Variants in SPA17 observed in about 807,000 individuals in gnomAD.
SPA17 encodes sperm autoantigenic protein 17, also known as sperm surface protein Sp17.
A neutral mutation model predicts 13.8 loss-of-function variants in SPA17; 7 were observed. The ratio of observed to expected loss-of-function variants is 0.51; its 90% CI spans 0.29 to 0.95. SPA17 has a LOEUF of 0.95. Among genes scored for constraint, SPA17 ranks in the 40% least tolerant of loss-of-function variants. The pLI, the probability that SPA17 is intolerant of heterozygous loss-of-function variation, is 0.08. For missense variants in SPA17, 170 were observed against 179.3 expected (o/e 0.95, Z 0.30); for synonymous variants, 61 against 59.0 (o/e 1.03, Z -0.16).
chr11:124,685,985 T>G (rs1236542836), intron 3 of SPA17, among the ~76,000 whole-genome samples: 1 of 152,178 alleles, frequency 6.6e-6, no homozygotes, highest in Middle Eastern at 3.4e-3. Flanking sequence ...GACTTTTGGG[T>G]TAATGCTGGA....
At position 124,691,710 on chromosome 11, in the gene SPA17, T is replaced by C; in HGVS notation, c.240T>C (p.Pro80=). 1 of 1,612,210 alleles carries C rather than the reference T, an allele frequency of 6.2e-7. No individual in the cohort carries two copies. Among genetic ancestry groups the C allele is most frequent in the South Asian group, 1.1e-5 (1 of 90,808 alleles). The change falls in exon 4 of 5, where the codon CCT becomes CCC. Residue 80 remains proline (P), a synonymous_variant. Coordinates refer to ENST00000227135, the MANE Select transcript of SPA17 (RefSeq NM_017425.4). Reference sequence around the variant, plus strand: ...TATCTGTCCAGGAGCAAGAACCACCTGAGAAAAGTGATCCTAAACAAGAAG... The same window carrying C: ...TATCTGTCCAGGAGCAAGAACCACCCGAGAAAAGTGATCCTAAACAAGAAG... ...NNHAFEEQEP[P]EKSDPKQEES...
At chr11:124,686,589 A>G (rs1227939755) in intron 3 of SPA17, among the ~76,000 whole-genome samples, 2 of 152,260 alleles carry the variant, frequency 1.3e-5, no homozygotes, top group Non-Finnish European at 2.9e-5. Flanking sequence ...AATAATATCA[A>G]GTATCTTGTC....
At chr11:124,683,734 C>T (rs1000162551) in intron 3 of SPA17, among the ~76,000 whole-genome samples, 1 of 151,382 alleles carries the variant, frequency 6.6e-6, no homozygotes, top group Admixed American at 6.6e-5. Context: ...CAACAACAAA[C>T]AAGTTTATTT....
In SPA17 at chr11:124,676,886, C is replaced by T. The variant is rs139489678; in HGVS notation, c.154+1468C>T. Among the ~76,000 whole-genome samples the T allele has an allele frequency of 2.8e-3, 423 of 152,014 alleles. 2 individuals are homozygous for T. Among genetic ancestry groups the T allele is most frequent in the Admixed American group, 5.6e-3 (86 of 15,282 alleles). ...CAAATCTGCACGTGTATCCCTTGAA[C>T]CTAAAATAAAAGTTGGAAGGGGAAA... On this transcript the variant is annotated intron_variant, in intron 2 of 4. Transcript: ENST00000227135.
chr11:124,683,285 G>A (rs1411560748), intron 3 of SPA17, among the ~76,000 whole-genome samples: 1 of 152,050 alleles, frequency 6.6e-6, no homozygotes, highest in Non-Finnish European at 1.5e-5. Flanking sequence ...TGAAAACACA[G>A]GAAAGTATAA....
intron 2 of SPA17, chr11:124,675,986 T>C (rs1198984738): frequency 1.3e-5 from 2 of 152,386 alleles, no homozygotes. Context: ...AGGTAATTTA[T>C]ATTCTTTATG....
chr11:124,694,259 C>T lies in SPA17; in HGVS notation c.313-44C>T, dbSNP rs776116499. 128 of 1,585,202 alleles carry T rather than the reference C, an allele frequency of 8.1e-5. No individual in the cohort carries two copies. The Admixed American group carries it at 8.8e-4, about 11-fold the overall frequency. On this transcript the variant is annotated intron_variant, in intron 4 of 4. Transcript: ENST00000227135. Reference sequence around the variant, plus strand: ...ATTTATTTTTGTGGCATCAAAACTACGCCATATTTAAAGAGTCTCTTACTT... The same window carrying T: ...ATTTATTTTTGTGGCATCAAAACTATGCCATATTTAAAGAGTCTCTTACTT...
rs1943522714 is a variant in SPA17 at position 124,680,893 on chromosome 11, T to C, written c.155-496T>C. Reference sequence around the variant, plus strand: ...TCTACTTTTTAAGTATTGAAATTTTTATAATATAAAGTTAAAGAAAAAAAT... The same window carrying C: ...TCTACTTTTTAAGTATTGAAATTTTCATAATATAAAGTTAAAGAAAAAAAT... On this transcript the variant is annotated intron_variant, in intron 2 of 4. Coordinates refer to ENST00000227135, the MANE Select transcript of SPA17 (RefSeq NM_017425.4). 2.0e-5 allele frequency among the ~76,000 whole-genome samples: 3 copies of C among 152,206 alleles called. No homozygotes were observed. In the South Asian group the frequency reaches 6.2e-4, roughly 31 times the overall value.
chr11:124,682,200 T>C (rs1181038398), intron 3 of SPA17, among the ~76,000 whole-genome samples: 1 of 152,130 alleles, frequency 6.6e-6, no homozygotes, highest in African/African-American at 2.4e-5. Context: ...GAAAAGAGCT[T>C]CTCAAAACAT....
At chr11:124,679,457 T>C (rs1422351596) in intron 2 of SPA17, among the ~76,000 whole-genome samples, 2 of 152,164 alleles carry the variant, frequency 1.3e-5, no homozygotes, top group African/African-American at 4.8e-5. Flanking sequence ...AGATTTTTGG[T>C]GCAGGAAAAA....
chr11:124,691,830 T>G, intron 4 of SPA17, 48 bp downstream of exon 4: 1 of 1,271,798 alleles, frequency 7.9e-7, no homozygotes, highest in South Asian at 1.4e-5. Context: ...AAGAATGATA[T>G]TGCCCAATTT....
chr11:124,678,524 GTGTGTGTGTGTGTGTGTGTGTGTGTT>G (rs940486239), intron 2 of SPA17, among the ~76,000 whole-genome samples: 5 of 151,478 alleles, frequency 3.3e-5, no homozygotes, highest in African/African-American at 9.7e-5. Flanking sequence ...AACTGTGTGT[GTGTGTGTGTGTGTGTGTGTGTGTGTT>G]TGTGTGTGTA....
At chr11:124,682,085 A>C (rs1164257032) in intron 3 of SPA17, among the ~76,000 whole-genome samples, 3 of 135,900 alleles carry the variant, frequency 2.2e-5, no homozygotes, top group Admixed American at 7.0e-5. Context: ...AGTTTCCTCA[A>C]AAAAATTAAG....
intron 2 of SPA17, 75 bp downstream of exon 2, chr11:124,675,493 C>T (rs1026536929): frequency 4.6e-6 from 7 of 1,509,292 alleles, no homozygotes; most frequent in Non-Finnish European, 6.3e-6. Context: ...TGCTTAAGAC[C>T]ATCTCCATTC....
intron 2 of SPA17, among the ~76,000 whole-genome samples, chr11:124,678,256 A>G (rs1943492947): frequency 6.6e-6 from 1 of 151,924 alleles, no homozygotes; most frequent in Admixed American, 6.6e-5. Context: ...CGATAATACT[A>G]TGGATGATAC....
rs1478284230 is a variant in SPA17, at chr11:124,694,566, T to C, written c.*120T>C. ...TGTTGTGAAATAACATTCGTTACTG[T>C]TGTGAAAATCTGTCATGAGCATTTG... On this transcript the variant is annotated 3_prime_UTR_variant, in exon 5 of 5. Transcript: ENST00000227135. 1 of 1,341,450 alleles carries C rather than the reference T, an allele frequency of 7.5e-7. No individual in the cohort carries two copies. The highest frequency in any genetic ancestry group is 1.5e-5 in the African/African-American group (1 of 68,096). 83.1% of individuals were successfully genotyped at this position (1,341,450 alleles called of 1,614,324 possible).
chr11:124,694,177 C>G, intron 4 of SPA17, 126 bp from the exon 5 acceptor site: 1 of 1,220,562 alleles, frequency 8.2e-7, no homozygotes, highest in Non-Finnish European at 1.1e-6. Context: ...TATGAAATTC[C>G]CTCAGGAAGC....
At chr11:124,677,256 A>G (rs565518303) in intron 2 of SPA17, among the ~76,000 whole-genome samples, 88 of 152,304 alleles carry the variant, frequency 5.8e-4, no homozygotes, top group African/African-American at 2.1e-3. Context: ...AGGAAAAAAA[A>G]CAATCATTAT....
chr11:124,676,742 G>C (rs922079282), intron 2 of SPA17, among the ~76,000 whole-genome samples: 1 of 152,226 alleles, frequency 6.6e-6, no homozygotes, highest in Admixed American at 6.5e-5. Flanking sequence ...GCCTATGTGA[G>C]AGCAGAGGTA....
Sources: allele counts gnomAD v4.1 joint callset (sites outside exome capture counted in the v4.1 genomes callset), GRCh38; gene constraint gnomAD v4.1.1; transcripts MANE v1.5; gene names NCBI Gene and HGNC (gene_info 2026-07-23, HGNC 2026-07-21).